SHROOM3: variants seen among roughly 807,000 people sequenced by gnomAD.
SHROOM3 encodes protein Shroom3.
In SHROOM3, 47 loss-of-function variants were observed where a neutral mutation model predicts 138.6. That is an observed-to-expected ratio of 0.34 (90% CI 0.27 to 0.43). The LOEUF (loss-of-function observed/expected upper bound fraction) is 0.43, where lower values mean the gene tolerates loss of function less well. Among genes scored for constraint, SHROOM3 ranks in the 20% least tolerant of loss-of-function variants. The pLI is 1.00. For missense variants in SHROOM3, 2,491 were observed against 2,596.5 expected, an observed-to-expected ratio of 0.96 and a Z score of 0.88; for synonymous variants, 1,062 against 1,063.3, an observed-to-expected ratio of 1.00 and a Z score of 0.02.
intron 2 of SHROOM3, among the ~76,000 whole-genome samples, chr4:76,660,030 G>A (rs1005010596): frequency 1.1e-4 from 17 of 152,216 alleles, no homozygotes; most frequent in African/African-American, 3.1e-4. Context: ...ATCACACGGA[G>A]GCCACCAGAC....
intron 2 of SHROOM3, among the ~76,000 whole-genome samples, chr4:76,647,856 CA>C (rs1735859896): frequency 6.6e-6 from 1 of 151,820 alleles, no homozygotes; most frequent in Non-Finnish European, 1.5e-5. Flanking sequence ...TGATCATGTA[CA>C]AGCTGCACCC....
rs1453782049 is a variant in SHROOM3 at position 76,754,972 on chromosome 4, T to TC, written c.4493dup (p.Pro1499AlafsTer4). 6.2e-7 allele frequency: 1 copy of TC among 1,613,938 alleles called. No homozygotes were observed. Among genetic ancestry groups the TC allele is most frequent in the Non-Finnish European group, 8.5e-7 (1 of 1,179,968 alleles). On this transcript the variant is annotated frameshift_variant, in exon 7 of 11. Coordinates refer to ENST00000296043, the MANE Select transcript of SHROOM3 (RefSeq NM_020859.4). LOFTEE classifies it high-confidence loss of function. Reference sequence around the variant, plus strand: ...AATATCTGAGTCTGTCCTGCGGGACTCCCCGCCACCTCATGAGGATTATGA... The same window carrying TC: ...AATATCTGAGTCTGTCCTGCGGGACTCCCCCGCCACCTCATGAGGATTATGA...
chr4:76,649,972 A>G (rs960994233), intron 2 of SHROOM3, among the ~76,000 whole-genome samples: 8 of 152,264 alleles, frequency 5.3e-5, no homozygotes, highest in South Asian at 2.1e-4. Context: ...GCAGAATTCA[A>G]TTTCTGGTGA....
rs78237653 is a variant in SHROOM3, at chr4:76,485,396, C to G, written c.168+49176C>G. Among the ~76,000 whole-genome samples, 866 of 152,280 alleles carry G rather than the reference C, an allele frequency of 5.7e-3. 13 individuals carry two copies. Among genetic ancestry groups the G allele is most frequent in the Non-Finnish European group, 6.2e-3 (421 of 68,022 alleles). ...GAGAGAAGAGTTATATGTTTAGTTG[C>G]TTAGAACATTTTATTTTAGAAATAA... On this transcript the variant is annotated intron_variant, in intron 1 of 10. Coordinates refer to ENST00000296043, the MANE Select transcript of SHROOM3 (RefSeq NM_020859.4).
Position 76,755,066 on chromosome 4 carries a change from C to G in SHROOM3, c.4583C>G (p.Pro1528Arg). 6.3e-7 allele frequency: 1 copy of G among 1,598,564 alleles called. No individual in the cohort carries two copies. Among genetic ancestry groups the G allele is most frequent in the Non-Finnish European group, 8.5e-7 (1 of 1,170,188 alleles). Residue 1528 changes from proline to arginine, a missense_variant, in exon 7 of 11, where the codon CCA becomes CGA. Physicochemically the swap from Pro to Arg is moderately radical, Grantham distance 103. Transcript: ENST00000296043. ...TSSPTFEPLPPPPPPPPSQET... is the reference protein window; with the variant it reads ...TSSPTFEPLPRPPPPPPSQET... ...AGCCCCACATTTGAACCTCTTCCCC[C>G]ACCCCCACCTCCTCCACCGAGTCAG... is the stretch of plus-strand genomic sequence containing the variant.
intron 7 of SHROOM3, 119 bp downstream of exon 7, chr4:76,755,311 C>T: frequency 3.3e-6 from 4 of 1,195,890 alleles, no homozygotes; most frequent in Non-Finnish European, 4.8e-6. Context: ...CTATACAGCT[C>T]AGCTCAGGAC....
chr4:76,467,045 G>GTTTT (rs56163246), intron 1 of SHROOM3, among the ~76,000 whole-genome samples: 10 of 144,568 alleles, frequency 6.9e-5, no homozygotes, highest in Admixed American at 1.4e-4. Flanking sequence ...ACCCAGAAAA[G>GTTTT]TTTTTTTTTT....
At chr4:76,514,913 G>A (rs1170863145) in intron 1 of SHROOM3, among the ~76,000 whole-genome samples, 6 of 152,028 alleles carry the variant, frequency 3.9e-5, no homozygotes, top group Non-Finnish European at 7.4e-5. Flanking sequence ...GAAACATAGT[G>A]AGACCCATTT....
intron 1 of SHROOM3, among the ~76,000 whole-genome samples, chr4:76,469,806 GA>G (rs998049316): frequency 6.6e-6 from 1 of 152,008 alleles, no homozygotes; most frequent in Admixed American, 6.6e-5. Context: ...TTGGGGTCAG[GA>G]AAAAAGTCTG....
intron 2 of SHROOM3, among the ~76,000 whole-genome samples, chr4:76,638,287 A>G (rs1735559918): frequency 1.3e-5 from 2 of 152,228 alleles, no homozygotes; most frequent in Non-Finnish European, 2.9e-5. Flanking sequence ...GAATTAAATC[A>G]AAAATATGTT....
At chr4:76,500,806 C>G (rs1269769944) in intron 1 of SHROOM3, among the ~76,000 whole-genome samples, 1 of 151,770 alleles carries the variant, frequency 6.6e-6, no homozygotes, top group Non-Finnish European at 1.5e-5. Context: ...TCTTCTCCCT[C>G]TCTCTCTTTT....
Position 76,759,699 on chromosome 4 carries a change from A to G in SHROOM3, c.5349+4A>G. 1 of 1,613,260 alleles carries G rather than the reference A, an allele frequency of 6.2e-7. No homozygotes were observed. On this transcript the variant is annotated splice_donor_region_variant and intron_variant, in intron 9 of 10. Coordinates refer to ENST00000296043, the MANE Select transcript of SHROOM3 (RefSeq NM_020859.4). ...GGCAGATGTCAATGAAAAGAAGGTA[A>G]ATAAAGAATGGGATGCCCTTGTTCA...
intron 5 of SHROOM3, among the ~76,000 whole-genome samples, chr4:76,748,134 T>C (rs143502417): frequency 6.6e-6 from 1 of 152,330 alleles, no homozygotes; most frequent in African/African-American, 2.4e-5. Flanking sequence ...TTCTTCTGCC[T>C]GCTCCCACCT....
chr4:76,641,996 T>C (rs1735684608), intron 2 of SHROOM3, among the ~76,000 whole-genome samples: 1 of 152,138 alleles, frequency 6.6e-6, no homozygotes, highest in South Asian at 2.1e-4. Flanking sequence ...CAGCTCCATG[T>C]TTTTGATCAG....
chr4:76,753,755 C>G (rs1431506719), intron 6 of SHROOM3, among the ~76,000 whole-genome samples: 4 of 152,200 alleles, frequency 2.6e-5, no homozygotes, highest in African/African-American at 9.6e-5. Context: ...AGGTGAGACT[C>G]TCCCCCTCCT....
chr4:76,680,586 G>A (rs551697423), intron 2 of SHROOM3, among the ~76,000 whole-genome samples: 3 of 152,274 alleles, frequency 2.0e-5, no homozygotes, highest in South Asian at 4.2e-4. Flanking sequence ...TACATGTTAA[G>A]TGCTGCCTGA....
intron 2 of SHROOM3, among the ~76,000 whole-genome samples, chr4:76,574,158 G>A (rs72661405): frequency 0.098 from 14,849 of 152,150 alleles, 805 homozygotes; most frequent in Non-Finnish European, 0.13. Flanking sequence ...GGGATCTTGA[G>A]GGCTGGGTTT....
chr4:76,641,094 C>T (rs1440056233), intron 2 of SHROOM3, among the ~76,000 whole-genome samples: 6 of 152,014 alleles, frequency 3.9e-5, no homozygotes, highest in African/African-American at 9.7e-5. Context: ...TCTGTTGTAC[C>T]GAAAGTACAA....
intron 1 of SHROOM3, among the ~76,000 whole-genome samples, chr4:76,516,567 A>C (rs1407361461): frequency 6.6e-6 from 1 of 152,102 alleles, no homozygotes; most frequent in Non-Finnish European, 1.5e-5. Context: ...CACTTTGCTC[A>C]TAATATATGA....
Sources: allele counts gnomAD v4.1 joint callset (sites outside exome capture counted in the v4.1 genomes callset), GRCh38; gene constraint gnomAD v4.1.1; transcripts MANE v1.5; gene names NCBI Gene and HGNC (gene_info 2026-07-23, HGNC 2026-07-21).